Variants in TENM4 observed in about 807,000 individuals in gnomAD.
TENM4 encodes the protein teneurin-4.
In TENM4, 82 loss-of-function variants were observed where a neutral mutation model predicts 243.3. The ratio of observed to expected loss-of-function variants is 0.34; its 90% CI spans 0.28 to 0.40. The LOEUF (loss-of-function observed/expected upper bound fraction) is 0.40, where lower values mean the gene tolerates loss of function less well. TENM4 is among the 10% of genes least tolerant of loss of function. The pLI is 1.00. For synonymous variants in TENM4, 1,412 were observed against 1,456.3 expected (o/e 0.97, Z 0.69); for missense variants, 3,138 against 3,673.3 (o/e 0.85, Z 3.77).
At chr11:78,850,568 A>T (rs1858512104) in intron 12 of TENM4, among the ~76,000 whole-genome samples, 1 of 152,204 alleles carries the variant, frequency 6.6e-6, no homozygotes, top group Non-Finnish European at 1.5e-5. Context: ...ACTCTTGGGG[A>T]AAGCGGGATT....
At chr11:78,988,309 C>T (rs1455416128) in intron 6 of TENM4, among the ~76,000 whole-genome samples, 1 of 152,194 alleles carries the variant, frequency 6.6e-6, no homozygotes, top group Non-Finnish European at 1.5e-5. Context: ...AATGGTCCAG[C>T]CCTGGTCAGG....
chr11:79,327,202 T>C (rs565684825), intron 1 of TENM4, among the ~76,000 whole-genome samples: 20 of 152,278 alleles, frequency 1.3e-4, no homozygotes, highest in African/African-American at 3.9e-4. Flanking sequence ...TTAAGTGCCA[T>C]AGAAATAGAT....
At chr11:79,174,175 C>T (rs778790725) in intron 3 of TENM4, among the ~76,000 whole-genome samples, 9 of 152,090 alleles carry the variant, frequency 5.9e-5, no homozygotes, top group Non-Finnish European at 1.3e-4. Context: ...TTGGTCTCCC[C>T]GCCCCCACAG....
intron 6 of TENM4, among the ~76,000 whole-genome samples, chr11:78,984,918 C>T (rs1480960398): frequency 6.6e-6 from 1 of 152,152 alleles, no homozygotes; most frequent in Non-Finnish European, 1.5e-5. Context: ...TTGGACAGTA[C>T]AAGTTCTAGA....
intron 6 of TENM4, among the ~76,000 whole-genome samples, chr11:79,020,462 T>G (rs562897914): frequency 2.6e-4 from 39 of 152,344 alleles, no homozygotes; most frequent in Non-Finnish European, 4.3e-4. Context: ...TCATTCAAAT[T>G]TATGTGTCAT....
chr11:78,845,002 C>T (rs78972610), intron 12 of TENM4, among the ~76,000 whole-genome samples: 125 of 152,254 alleles, frequency 8.2e-4, no homozygotes, highest in African/African-American at 3.0e-3. Flanking sequence ...CACTGCTTTC[C>T]AGCTCACTAA....
intron 6 of TENM4, among the ~76,000 whole-genome samples, chr11:78,987,450 C>T (rs753984457): frequency 8.5e-5 from 13 of 152,314 alleles, no homozygotes; most frequent in Non-Finnish European, 1.6e-4. Flanking sequence ...AATTTGAAAA[C>T]TAAGCAATAC....
At chr11:79,085,330 T>G (rs1380202974) in intron 4 of TENM4, among the ~76,000 whole-genome samples, 1 of 148,646 alleles carries the variant, frequency 6.7e-6, no homozygotes, top group African/African-American at 2.5e-5. Flanking sequence ...TAAGCTGAGA[T>G]CGCGCCACTG....
chr11:78,883,753 T>C (rs1855487907), intron 9 of TENM4, among the ~76,000 whole-genome samples: 1 of 152,222 alleles, frequency 6.6e-6, no homozygotes, highest in Non-Finnish European at 1.5e-5. Context: ...AAGCAACAGT[T>C]AGTGAATCAC....
At chr11:78,670,912 G>A (rs569864032) in intron 31 of TENM4, among the ~76,000 whole-genome samples, 2 of 152,312 alleles carry the variant, frequency 1.3e-5, no homozygotes, top group South Asian at 4.1e-4. Flanking sequence ...TTACTTTTGT[G>A]CGTGGTGGGG....
chr11:78,664,904 C>T (rs899778328), intron 32 of TENM4, among the ~76,000 whole-genome samples: 10 of 152,090 alleles, frequency 6.6e-5, no homozygotes, highest in Non-Finnish European at 1.3e-4. Flanking sequence ...TTACAAGTGA[C>T]GGAAGGTGGA....
chr11:79,430,721 G>A (rs1476637078), intron 1 of TENM4, among the ~76,000 whole-genome samples: 1 of 152,194 alleles, frequency 6.6e-6, no homozygotes, highest in African/African-American at 2.4e-5. Context: ...GGTCGCCCAA[G>A]GTCCCATGGC....
intron 3 of TENM4, among the ~76,000 whole-genome samples, chr11:79,171,991 A>T (rs1337150858): frequency 6.6e-6 from 1 of 152,220 alleles, no homozygotes; most frequent in Non-Finnish European, 1.5e-5. Context: ...TTGCTCCGTT[A>T]CTTAGGCTGC....
intron 1 of TENM4, among the ~76,000 whole-genome samples, chr11:79,381,247 C>T (rs914774568): frequency 2.6e-5 from 4 of 150,988 alleles, no homozygotes; most frequent in Non-Finnish European, 4.4e-5. Context: ...CCAAGTCCGG[C>T]CTGGAACTTC....
chr11:79,077,798 G>A (rs771003944), intron 4 of TENM4, among the ~76,000 whole-genome samples: 2 of 152,210 alleles, frequency 1.3e-5, no homozygotes, highest in Non-Finnish European at 2.9e-5. Context: ...CATGGTAAAT[G>A]TAAGTGGACA....
At chr11:79,157,275 A>G (rs1446993347) in intron 3 of TENM4, among the ~76,000 whole-genome samples, 5 of 152,162 alleles carry the variant, frequency 3.3e-5, no homozygotes, top group Non-Finnish European at 7.3e-5. Context: ...GGACACCCAG[A>G]GATCCAATAC....
chr11:79,400,817 A>G (rs910107522), intron 1 of TENM4, among the ~76,000 whole-genome samples: 9 of 152,172 alleles, frequency 5.9e-5, no homozygotes, highest in Non-Finnish European at 1.3e-4. Flanking sequence ...CTCCTCCCAC[A>G]GACATTGCAG....
rs1855655287 is a variant in TENM4 at position 78,891,169 on chromosome 11, G to GGGTCTGCA, written c.848+61_848+68dup. 2.3e-5 allele frequency: 32 copies of GGGTCTGCA among 1,422,176 alleles called. No homozygotes were observed. In the South Asian group the frequency reaches 4.0e-4, roughly 18 times the overall value. The allele number at this position is 1,422,176 out of a possible 1,614,324, so 88.1% of individuals were successfully genotyped here. A position where few individuals can be genotyped will look rare whatever the true frequency, so the allele number is the denominator to read the frequency against. On this transcript the variant is annotated intron_variant, in intron 8 of 33. Transcript: ENST00000278550. ...CAGAAGATCCCAGGGAAAGGTCTCAGGGTCTGCATGCAAGTGCAGGAGCCA... is the reference window on the plus strand; with the variant it reads ...CAGAAGATCCCAGGGAAAGGTCTCAGGGTCTGCAGGTCTGCATGCAAGTGCAGGAGCCA...
rs563147312 is a variant in TENM4, at chr11:78,728,735, G to T, written c.3406+641C>A. On this transcript the variant is annotated intron_variant, in intron 22 of 33. Transcript: ENST00000278550. Reference sequence around the variant, plus strand: ...CTTAAGTGCTTGGTGGATCAACTCCGCAGGGTTAGGCCTGCTGAGAGTCTA... The same window carrying T: ...CTTAAGTGCTTGGTGGATCAACTCCTCAGGGTTAGGCCTGCTGAGAGTCTA... Among the ~76,000 whole-genome samples, 38 of 152,256 alleles carry T rather than the reference G, an allele frequency of 2.5e-4. No homozygotes were observed. The Middle Eastern group carries it at 0.01, about 41-fold the overall frequency.
Sources: allele counts gnomAD v4.1 joint callset (sites outside exome capture counted in the v4.1 genomes callset), GRCh38; gene constraint gnomAD v4.1.1; transcripts MANE v1.5; gene names NCBI Gene and HGNC (gene_info 2026-07-23, HGNC 2026-07-21).